The following RCSD1 variants were observed in gnomAD, a reference collection of about 807,000 sequenced individuals.
RCSD1 encodes the protein capZ-interacting protein.
In RCSD1, 26 loss-of-function variants were observed where a neutral mutation model predicts 42.5. That is an observed-to-expected ratio of 0.61 (90% CI 0.45 to 0.85). The LOEUF (loss-of-function observed/expected upper bound fraction) is 0.85. Among genes scored for constraint, RCSD1 ranks in the 40% least tolerant of loss-of-function variants. The pLI, the probability that RCSD1 is intolerant of heterozygous loss-of-function variation, is 0.00. For synonymous variants in RCSD1, 220 were observed against 212.2 expected, an observed-to-expected ratio of 1.04 and a Z score of -0.32; for missense variants, 571 against 528.3, an observed-to-expected ratio of 1.08 and a Z score of -0.79.
intron 1 of RCSD1, chr1:167,641,897 C>A (rs1292228253): frequency 6.6e-6 from 1 of 152,182 alleles, no homozygotes; most frequent in Non-Finnish European, 1.5e-5. Context: ...AACCATGCCA[C>A]AATCTTAGTG....
At position 167,697,682 on chromosome 1, in the gene RCSD1, C is replaced by G; in HGVS notation, c.1058C>G (p.Pro353Arg). 6.2e-7 allele frequency: 1 copy of G among 1,604,742 alleles called. No homozygotes were observed. Among genetic ancestry groups the G allele is most frequent in the Admixed American group, 1.7e-5 (1 of 58,358 alleles). ...AAVKETPHSP[P>R]GGVKGGDVPK... is the part of the protein sequence containing the mutation. ...GTGAAGGAGACCCCCCACAGTCCCC[C>G]TGGAGGAGTGAAGGGCGGAGATGTC... The change falls in exon 6 of 7, where the codon CCT becomes CGT. Residue 353 changes from proline to arginine, a missense_variant. Coordinates refer to ENST00000367854, the MANE Select transcript of RCSD1 (RefSeq NM_052862.4).
chr1:167,680,650 T>C (rs1470161281), intron 1 of RCSD1, among the ~76,000 whole-genome samples: 1 of 152,034 alleles, frequency 6.6e-6, no homozygotes, highest in East Asian at 1.9e-4. Flanking sequence ...TAGGCTAATA[T>C]TGTATACAGA....
rs147424858 is a variant in RCSD1, at chr1:167,708,654, T to C, written c.*3958T>C. On this transcript the variant is annotated 3_prime_UTR_variant, in exon 7 of 7. Coordinates refer to ENST00000367854, the MANE Select transcript of RCSD1 (RefSeq NM_052862.4). The stretch of plus-strand genomic sequence containing the variant: ...ATTATTCTTCATTGTACACAGTGCC[T>C]CAGACATAGTAGGTATTCAATAAAT... Among the ~76,000 whole-genome samples, 42 of 152,348 alleles carry C rather than the reference T, an allele frequency of 2.8e-4. No individual in the cohort carries two copies. Among genetic ancestry groups the C allele is most frequent in the African/African-American group, 9.9e-4 (41 of 41,586 alleles).
At chr1:167,659,973 C>T (rs1333268341) in intron 1 of RCSD1, among the ~76,000 whole-genome samples, 2 of 152,138 alleles carry the variant, frequency 1.3e-5, no homozygotes, top group Non-Finnish European at 2.9e-5. Context: ...TGAGGGCTGC[C>T]CACGTGCCTC....
rs375505291 is a variant in RCSD1 at position 167,681,056 on chromosome 1, C to T, written c.7-2844C>T. 7.9e-5 allele frequency among the ~76,000 whole-genome samples: 12 copies of T among 152,344 alleles called. No individual in the cohort carries two copies. In the East Asian group the frequency reaches 1.7e-3, roughly 22 times the overall value. Reference sequence around the variant, plus strand: ...CTGCAAGGCAGAAATCCAGGCAAGGCATCAAACAGGCTGAGCCACCAGCCC... The same window carrying T: ...CTGCAAGGCAGAAATCCAGGCAAGGTATCAAACAGGCTGAGCCACCAGCCC... On this transcript the variant is annotated intron_variant, in intron 1 of 6. Transcript: ENST00000367854.
Position 167,705,096 on chromosome 1 carries a change from G to C in RCSD1, c.*400G>C. The C allele has an allele frequency of 6.1e-6, 1 of 162,642 alleles. No homozygotes were observed. The allele number at this position is 162,642 out of a possible 1,614,324, so 10.1% of individuals were successfully genotyped here. The stretch of plus-strand genomic sequence containing the variant: ...AATTTAACTGAGCTCTAATTTAGCT[G>C]ATCAGATTTTGCTTGGGTAAAGTTC... On this transcript the variant is annotated 3_prime_UTR_variant, in exon 7 of 7. Transcript: ENST00000367854.
At chr1:167,665,840 C>T (rs1658643339) in intron 1 of RCSD1, among the ~76,000 whole-genome samples, 2 of 150,706 alleles carry the variant, frequency 1.3e-5, no homozygotes, top group Non-Finnish European at 2.9e-5. Flanking sequence ...GAGACAGAGT[C>T]TCACTCCGTT....
At chr1:167,654,714 T>A (rs1209176120) in intron 1 of RCSD1, among the ~76,000 whole-genome samples, 1 of 152,086 alleles carries the variant, frequency 6.6e-6, no homozygotes, top group Non-Finnish European at 1.5e-5. Flanking sequence ...GAGGGCAGAA[T>A]AGACAAGAGG....
intron 1 of RCSD1, 70 bp downstream of exon 1, chr1:167,630,499 G>A: frequency 1.4e-6 from 2 of 1,446,360 alleles, no homozygotes; most frequent in South Asian, 2.8e-5. Context: ...TCCCCGGGCG[G>A]CTGCCCCTGC....
chr1:167,653,899 A>G (rs1658365129), intron 1 of RCSD1, among the ~76,000 whole-genome samples: 1 of 152,166 alleles, frequency 6.6e-6, no homozygotes, highest in East Asian at 1.9e-4. Context: ...AATGCGTAAT[A>G]GGTTCAGAAG....
At chr1:167,663,040 A>T (rs1450199786) in intron 1 of RCSD1, among the ~76,000 whole-genome samples, 1 of 152,196 alleles carries the variant, frequency 6.6e-6, no homozygotes, top group African/African-American at 2.4e-5. Flanking sequence ...CATCAGGGCC[A>T]GTGAGTTCAC....
At chr1:167,695,408 A>G (rs1327223058) in intron 5 of RCSD1, among the ~76,000 whole-genome samples, 1 of 152,242 alleles carries the variant, frequency 6.6e-6, no homozygotes, top group Non-Finnish European at 1.5e-5. Flanking sequence ...TGGTCTCAAG[A>G]AAGGGCTTGG....
chr1:167,664,825 A>C (rs928641761), intron 1 of RCSD1: 3 of 152,216 alleles, frequency 2.0e-5, no homozygotes, highest in Admixed American at 6.5e-5. Context: ...GGATCAACTG[A>C]GGTCAAGAGT....
Position 167,707,671 on chromosome 1 carries a change from C to CT in RCSD1, c.*2984dup, listed in dbSNP as rs71958362. Among the ~76,000 whole-genome samples, 5 of 150,338 alleles carry CT rather than the reference C, an allele frequency of 3.3e-5. No homozygotes were observed. Among genetic ancestry groups the CT allele is most frequent in the East Asian group, 2.0e-4 (1 of 5,112 alleles). ...TCTCTTTTTTCTCTTCTTTTCTCTT[C>CT]TTTTTTTTTGAATGAGACAGAGTCT... On this transcript the variant is annotated 3_prime_UTR_variant, in exon 7 of 7. Transcript: ENST00000367854.
intron 1 of RCSD1, among the ~76,000 whole-genome samples, chr1:167,661,528 A>T (rs1403547340): frequency 3.9e-5 from 6 of 152,150 alleles, no homozygotes; most frequent in African/African-American, 1.4e-4. Context: ...GCAATCCTGG[A>T]TCCTCTCTGG....
At position 167,694,143 on chromosome 1, in the gene RCSD1, A is replaced by G. The variant is rs948276886; in HGVS notation, c.315A>G (p.Ser105=). 1.9e-6 allele frequency: 3 copies of G among 1,614,152 alleles called. No homozygotes were observed. Among genetic ancestry groups the G allele is most frequent in the Non-Finnish European group, 1.7e-6 (2 of 1,180,032 alleles). The part of the protein sequence containing the change: ...FDPAALLPGA[S]PKSPGLKAMV... ...CAGCTGCTCTACTGCCTGGGGCCTC[A>G]CCCAAGAGTCCTGGACTCAAGGCTA... The change falls in exon 5 of 7, where the codon TCA becomes TCG. Residue 105 remains serine, a synonymous_variant. Transcript: ENST00000367854.
At chr1:167,701,469 C>A (rs1659645575) in intron 6 of RCSD1, among the ~76,000 whole-genome samples, 1 of 151,936 alleles carries the variant, frequency 6.6e-6, no homozygotes, top group African/African-American at 2.4e-5. Context: ...CCATGCCAGG[C>A]TATTTTTTGT....
intron 1 of RCSD1, among the ~76,000 whole-genome samples, chr1:167,670,071 C>T (rs1213685763): frequency 1.3e-5 from 2 of 152,092 alleles, no homozygotes; most frequent in African/African-American, 4.8e-5. Flanking sequence ...CTTGTGTGGG[C>T]CTCCAGGTGG....
At chr1:167,697,863 A>ACATG in intron 6 of RCSD1, 21 bp downstream of exon 6, 1 of 1,452,188 alleles carries the variant, frequency 6.9e-7, no homozygotes, top group Admixed American at 2.9e-5. Flanking sequence ...TGGCTCGTTC[A>ACATG]CATGCAGAAG....
Sources: allele counts gnomAD v4.1 joint callset (sites outside exome capture counted in the v4.1 genomes callset), GRCh38; gene constraint gnomAD v4.1.1; transcripts MANE v1.5; gene names NCBI Gene and HGNC (gene_info 2026-07-23, HGNC 2026-07-21).